The following NPEPPS variants were observed in gnomAD, a reference collection of about 807,000 sequenced individuals.
NPEPPS encodes puromycin-sensitive aminopeptidase.
In NPEPPS, 14 loss-of-function variants were observed where a neutral mutation model predicts 115.5. That is an observed-to-expected ratio of 0.12 (90% confidence interval 0.08 to 0.19). NPEPPS has a LOEUF of 0.19. Among genes scored for constraint, NPEPPS ranks in the 10% least tolerant of loss-of-function variants. The probability of loss-of-function intolerance (pLI) is 1.00; values close to 1 mark genes in which losing one functional copy is unlikely to be tolerated. For synonymous variants in NPEPPS, 285 were observed against 390.6 expected, an observed-to-expected ratio of 0.73 and a Z score of 3.19; for missense variants, 523 against 1,110.8, an observed-to-expected ratio of 0.47 and a Z score of 7.52.
intron 17 of NPEPPS, among the ~76,000 whole-genome samples, chr17:47,609,857 G>C (rs1167380978): frequency 6.6e-6 from 1 of 152,124 alleles, no homozygotes; most frequent in Non-Finnish European, 1.5e-5. Flanking sequence ...CTCACTCAGC[G>C]TAGTGTTTCT....
chr17:47,543,950 A>C (rs186395899), intron 1 of NPEPPS, among the ~76,000 whole-genome samples: 35 of 145,948 alleles, frequency 2.4e-4, no homozygotes, highest in Non-Finnish European at 3.1e-5. Flanking sequence ...GCTGGAGCGC[A>C]GTGGCACAAT....
chr17:47,529,997 C>T (rs1362570350), upstream of NPEPPS, among the ~76,000 whole-genome samples: 3 of 140,192 alleles, frequency 2.1e-5, no homozygotes, highest in East Asian at 2.2e-4. Flanking sequence ...AGTGCAGTGG[C>T]GCAATCTCGG....
upstream of NPEPPS, among the ~76,000 whole-genome samples, chr17:47,528,725 G>A (rs1337092420): frequency 6.6e-6 from 1 of 151,880 alleles, no homozygotes; most frequent in African/African-American, 2.4e-5. Flanking sequence ...TCCGCCTTCT[G>A]GGTTCAAGTG....
rs758626258 is a variant in NPEPPS at position 47,592,596 on chromosome 17, A to G, written c.1426+51A>G. 7.5e-6 allele frequency: 11 copies of G among 1,467,640 alleles called. No homozygotes were observed. In the African/African-American group the frequency reaches 8.4e-5, roughly 11 times the overall value. The allele number at this position is 1,467,640 out of a possible 1,614,324, so 90.9% of individuals were successfully genotyped here. On this transcript the variant is annotated intron_variant, in intron 12 of 22. Coordinates refer to ENST00000322157, the MANE Select transcript of NPEPPS (RefSeq NM_006310.4). ...AATGGAGAGAAAGTATTGTCACTCT[A>G]TCCAGGCTGGGACATTTTATTTTTG...
chr17:47,549,407 G>C (rs1314540129), intron 2 of NPEPPS, among the ~76,000 whole-genome samples: 2 of 152,046 alleles, frequency 1.3e-5, no homozygotes, highest in African/African-American at 2.4e-5. Flanking sequence ...ACAGCAACGG[G>C]AAAAAACCTG....
At chr17:47,585,421 C>A in intron 5 of NPEPPS, 79 bp from the exon 6 acceptor site, 1 of 930,342 alleles carries the variant, frequency 1.1e-6, no homozygotes, top group Non-Finnish European at 1.7e-6. Flanking sequence ...TGCAATAAAG[C>A]CTACAGTTTT....
upstream of NPEPPS, among the ~76,000 whole-genome samples, chr17:47,529,396 C>A (rs1264446520): frequency 6.7e-6 from 1 of 149,962 alleles, no homozygotes; most frequent in Non-Finnish European, 1.5e-5. Context: ...CGTCACCACA[C>A]CTGGGCCCAC....
upstream of NPEPPS, among the ~76,000 whole-genome samples, chr17:47,528,168 G>C (rs2611993): frequency 2.0e-5 from 3 of 151,694 alleles, no homozygotes; most frequent in Non-Finnish European, 4.4e-5. Flanking sequence ...CGGGCATGGT[G>C]GTGGGCGCCT....
At chr17:47,581,386 C>A (rs1247222529) in intron 4 of NPEPPS, 1 of 152,156 alleles carries the variant, frequency 6.6e-6, no homozygotes, top group Non-Finnish European at 1.5e-5. Flanking sequence ...CCATTCCATT[C>A]CCTTCTCAGT....
At chr17:47,564,559 T>C (rs894728307) in intron 2 of NPEPPS, among the ~76,000 whole-genome samples, 3 of 151,588 alleles carry the variant, frequency 2.0e-5, no homozygotes, top group Non-Finnish European at 4.4e-5. Context: ...CAATGCTTAA[T>C]TTACATATAT....
intron 17 of NPEPPS, among the ~76,000 whole-genome samples, chr17:47,607,854 T>A (rs1485759027): frequency 6.6e-6 from 1 of 152,202 alleles, no homozygotes; most frequent in African/African-American, 2.4e-5. Flanking sequence ...AACATTTTTT[T>A]CTTTTAAAGA....
At chr17:47,615,073 CTTTTTTTTTT>C (rs60829784) in intron 19 of NPEPPS, among the ~76,000 whole-genome samples, 92 of 122,432 alleles carry the variant, frequency 7.5e-4, no homozygotes, top group Admixed American at 1.4e-3. Context: ...TACTTTCTTT[CTTTTTTTTTT>C]TTTTTTTTTT....
chr17:47,567,176 T>G (rs935276700), intron 2 of NPEPPS, among the ~76,000 whole-genome samples: 1 of 152,242 alleles, frequency 6.6e-6, no homozygotes, highest in East Asian at 1.9e-4. Context: ...GTAGTCTAGC[T>G]AATTAACATT....
chr17:47,577,243 A>G (rs1911569069), intron 3 of NPEPPS: 1 of 471,448 alleles, frequency 2.1e-6, no homozygotes, highest in Non-Finnish European at 3.9e-6. Flanking sequence ...ATTTACCATG[A>G]AATATGAATT....
At chr17:47,614,069 C>T (rs1914042186) in intron 19 of NPEPPS, among the ~76,000 whole-genome samples, 1 of 151,932 alleles carries the variant, frequency 6.6e-6, no homozygotes, top group Admixed American at 6.6e-5. Flanking sequence ...CTCCCAGGCT[C>T]AAGTGATCCT....
intron 12 of NPEPPS, among the ~76,000 whole-genome samples, chr17:47,593,591 T>C (rs547690893): frequency 6.6e-6 from 1 of 152,192 alleles, no homozygotes; most frequent in South Asian, 2.1e-4. Flanking sequence ...AATACAGTCA[T>C]GTGTTGCTTA....
intron 3 of NPEPPS, chr17:47,577,228 A>G: frequency 1.9e-6 from 1 of 530,264 alleles, no homozygotes; most frequent in South Asian, 1.6e-5. Context: ...AAAAAATGCA[A>G]GTAGATTTAC....
In NPEPPS at chr17:47,538,453, A is replaced by ATCCGCCT. The variant is rs1251713356; in HGVS notation, c.255+6899_255+6905dup. 3.4e-5 allele frequency among the ~76,000 whole-genome samples: 5 copies of ATCCGCCT among 148,018 alleles called. No homozygotes were observed. The East Asian group carries it at 1.0e-3, about 30-fold the overall frequency. On this transcript the variant is annotated intron_variant, in intron 1 of 22. Transcript: ENST00000322157. ...GGTCTCAAACACCCGACCTCAGGTG[A>ATCCGCCT]TCCGCCTGCCTCTGCCTCCTAAAGT...
chr17:47,591,501 C>T (rs1818090043), intron 10 of NPEPPS, among the ~76,000 whole-genome samples: 1 of 152,082 alleles, frequency 6.6e-6, no homozygotes, highest in Non-Finnish European at 1.5e-5. Context: ...TACTTTAATT[C>T]TCTTGACTTA....
Sources: allele counts gnomAD v4.1 joint callset (sites outside exome capture counted in the v4.1 genomes callset), GRCh38; gene constraint gnomAD v4.1.1; transcripts MANE v1.5; gene names NCBI Gene and HGNC (gene_info 2026-07-23, HGNC 2026-07-21).